STK39: variants seen among roughly 807,000 people sequenced by gnomAD.
STK39 encodes the protein STE20/SPS1-related proline-alanine-rich protein kinase.
Under a neutral mutation model 77.8 loss-of-function variants are expected in STK39, and 20 were observed. The ratio of observed to expected loss-of-function variants is 0.26; its 90% CI spans 0.18 to 0.37. The LOEUF is 0.37. Among genes scored for constraint, STK39 ranks in the 10% least tolerant of loss-of-function variants. The pLI is 1.00. For synonymous variants in STK39, 246 were observed against 234.1 expected, an observed-to-expected ratio of 1.05 and a Z score of -0.47; for missense variants, 479 against 656.5, an observed-to-expected ratio of 0.73 and a Z score of 2.95.
At chr2:168,025,664 T>C (rs1440465586) in intron 14 of STK39, among the ~76,000 whole-genome samples, 1 of 152,226 alleles carries the variant, frequency 6.6e-6, no homozygotes, top group Non-Finnish European at 1.5e-5. Flanking sequence ...GGCAGACGAA[T>C]GTGCAGCCCT....
intron 1 of STK39, among the ~76,000 whole-genome samples, chr2:168,237,058 T>C (rs1690632725): frequency 6.6e-6 from 1 of 152,110 alleles, no homozygotes; most frequent in Non-Finnish European, 1.5e-5. Flanking sequence ...TTTCACGATA[T>C]TGATTCTTCC....
chr2:168,155,617 A>C, intron 5 of STK39, among the ~76,000 whole-genome samples: 1 of 121,182 alleles, frequency 8.3e-6, no homozygotes, highest in South Asian at 2.7e-4. Flanking sequence ...TCTGAGTATA[A>C]CCAGTTGCCT....
At chr2:168,210,092 A>T (rs1403798789) in intron 1 of STK39, among the ~76,000 whole-genome samples, 1 of 143,354 alleles carries the variant, frequency 7.0e-6, no homozygotes, top group African/African-American at 2.7e-5. Flanking sequence ...AAAGAAACTC[A>T]TGTAATTAGA....
At chr2:167,986,901 A>G (rs1683574970) in intron 16 of STK39, among the ~76,000 whole-genome samples, 1 of 152,196 alleles carries the variant, frequency 6.6e-6, no homozygotes, top group Admixed American at 6.5e-5. Flanking sequence ...AAGACGAGCC[A>G]GAAAAGAGTG....
At chr2:168,138,049 C>T (rs200676704) in intron 8 of STK39, 39 bp downstream of exon 8, 11 of 1,599,148 alleles carry the variant, frequency 6.9e-6, no homozygotes, top group South Asian at 1.1e-5. Flanking sequence ...TGTCATGGCT[C>T]AAACCAGGTC....
chr2:168,202,872 T>C (rs1403282401), intron 1 of STK39, among the ~76,000 whole-genome samples: 1 of 152,096 alleles, frequency 6.6e-6, no homozygotes, highest in Non-Finnish European at 1.5e-5. Context: ...TGCATTTCCA[T>C]TTGCCCTTAA....
chr2:168,236,783 GCT>G (rs1330688103), intron 1 of STK39, among the ~76,000 whole-genome samples: 1 of 151,964 alleles, frequency 6.6e-6, no homozygotes, highest in Non-Finnish European at 1.5e-5. Flanking sequence ...ATTTCTGAGG[GCT>G]CTGTTCTGTT....
chr2:168,140,175 C>T (rs1456697856), intron 7 of STK39, 114 bp downstream of exon 7: 1 of 890,192 alleles, frequency 1.1e-6, no homozygotes, highest in East Asian at 2.5e-5. Flanking sequence ...GGCTGCGTTC[C>T]TCCATTAATT....
At chr2:168,186,940 C>T (rs528234712) in intron 1 of STK39, among the ~76,000 whole-genome samples, 1 of 152,152 alleles carries the variant, frequency 6.6e-6, no homozygotes, top group Non-Finnish European at 1.5e-5. Flanking sequence ...AAGTCTGATA[C>T]AGCATGATGA....
At chr2:168,091,846 G>A (rs989053776) in intron 10 of STK39, among the ~76,000 whole-genome samples, 2 of 151,906 alleles carry the variant, frequency 1.3e-5, no homozygotes, top group African/African-American at 4.8e-5. Flanking sequence ...CCCAAACATG[G>A]TATCATTTTA....
intron 16 of STK39, among the ~76,000 whole-genome samples, chr2:168,005,351 C>T (rs913205127): frequency 6.6e-6 from 1 of 151,084 alleles, no homozygotes; most frequent in African/African-American, 2.4e-5. Flanking sequence ...AGAGACCAGA[C>T]TCAAAAGTCA....
At chr2:168,242,971 AT>A (rs1690809545) in intron 1 of STK39, among the ~76,000 whole-genome samples, 1 of 152,162 alleles carries the variant, frequency 6.6e-6, no homozygotes, top group Admixed American at 6.5e-5. Flanking sequence ...GTGAAATGAA[AT>A]GAAAATCAAA....
intron 10 of STK39, among the ~76,000 whole-genome samples, chr2:168,076,711 C>T (rs913766347): frequency 2.0e-5 from 3 of 151,718 alleles, no homozygotes; most frequent in African/African-American, 2.4e-5. Context: ...TTTCTCCAAC[C>T]CCTACCCCCC....
intron 1 of STK39, among the ~76,000 whole-genome samples, chr2:168,197,563 G>A (rs1355831518): frequency 2.0e-5 from 3 of 152,156 alleles, no homozygotes; most frequent in South Asian, 2.1e-4. Flanking sequence ...ATTTCAGGGG[G>A]AAAGAACTGT....
At chr2:168,046,941 GAAACA>G (rs1685259284) in intron 14 of STK39, among the ~76,000 whole-genome samples, 1 of 151,620 alleles carries the variant, frequency 6.6e-6, no homozygotes, top group African/African-American at 2.4e-5. Context: ...AGTAACTAAA[GAAACA>G]TAAAACTTCT....
intron 10 of STK39, among the ~76,000 whole-genome samples, chr2:168,096,232 G>A (rs370224358): frequency 3.9e-5 from 6 of 152,074 alleles, no homozygotes; most frequent in East Asian, 1.9e-4. Context: ...ATAAAGACTA[G>A]AACAAGGATG....
At chr2:168,058,012 C>CT (rs200024615) in intron 14 of STK39, among the ~76,000 whole-genome samples, 4 of 152,100 alleles carry the variant, frequency 2.6e-5, no homozygotes, top group Non-Finnish European at 4.4e-5. Context: ...TGTAAACATG[C>CT]TTTTTTTAAA....
chr2:168,069,530 C>T (rs187260268), intron 12 of STK39, among the ~76,000 whole-genome samples: 2 of 152,318 alleles, frequency 1.3e-5, no homozygotes, highest in East Asian at 3.9e-4. Context: ...ACAACTTTCC[C>T]AAGGGATTTC....
intron 5 of STK39, among the ~76,000 whole-genome samples, chr2:168,145,597 A>G (rs909588924): frequency 6.6e-6 from 1 of 152,232 alleles, no homozygotes; most frequent in African/African-American, 2.4e-5. Flanking sequence ...AAAAAATAGA[A>G]AAGCGATTTC....
Sources: gnomAD v4.1 joint callset for allele counts (sites outside exome capture counted in the v4.1 genomes callset) on GRCh38, gnomAD v4.1.1 for gene constraint, MANE v1.5 for transcripts, NCBI Gene and HGNC (gene_info 2026-07-23, HGNC 2026-07-21) for gene names.